UHRF2: variants seen among roughly 807,000 people sequenced by gnomAD.
The protein encoded by UHRF2 is ubiquitin like with PHD and ring finger domains 2, also known as E3 ubiquitin-protein ligase UHRF2.
A neutral mutation model predicts 96.8 loss-of-function variants in UHRF2; 23 were observed. That is an observed-to-expected ratio of 0.24 (90% CI 0.17 to 0.34). UHRF2 has a LOEUF of 0.34. UHRF2 is among the 10% of genes least tolerant of loss of function. UHRF2 has a pLI of 1.00. For synonymous variants in UHRF2, 385 were observed against 332.6 expected, an observed-to-expected ratio of 1.16 and a Z score of -1.72; for missense variants, 685 against 981.5, an observed-to-expected ratio of 0.70 and a Z score of 4.04.
At chr9:6,429,602 A>G (rs1185178535) in intron 2 of UHRF2, among the ~76,000 whole-genome samples, 1 of 152,202 alleles carries the variant, frequency 6.6e-6, no homozygotes, top group Non-Finnish European at 1.5e-5. Flanking sequence ...AAGTGCTGGA[A>G]TTACAGGCAT....
At chr9:6,479,349 G>A (rs1823785415) in intron 6 of UHRF2, among the ~76,000 whole-genome samples, 1 of 152,048 alleles carries the variant, frequency 6.6e-6, no homozygotes, top group South Asian at 2.1e-4. Context: ...TGGTTACTCT[G>A]TTTTATAGAT....
intron 2 of UHRF2, among the ~76,000 whole-genome samples, chr9:6,424,634 G>A (rs4740845): frequency 0.67 from 102,405 of 151,936 alleles, 36,865 homozygotes; most frequent in South Asian, 0.82. Context: ...TTAAGTTAGT[G>A]TGGTGTATTT....
At chr9:6,422,734 A>G (rs1820007227) in intron 2 of UHRF2, 2 of 516,996 alleles carry the variant, frequency 3.9e-6, no homozygotes, top group Middle Eastern at 4.9e-4. Flanking sequence ...TCGGCCTCCC[A>G]AAGTGCTGGG....
chr9:6,474,296 A>G (rs1009079762), intron 4 of UHRF2, among the ~76,000 whole-genome samples: 1 of 152,258 alleles, frequency 6.6e-6, no homozygotes, highest in Non-Finnish European at 1.5e-5. Context: ...TCTTCAAGCA[A>G]GTGCTAACCA....
At chr9:6,422,644 C>T (rs747211232) in intron 2 of UHRF2, 7 of 651,058 alleles carry the variant, frequency 1.1e-5, no homozygotes, top group Non-Finnish European at 1.7e-5. Context: ...GGGTCTGGCT[C>T]TGTCACCCAG....
intron 1 of UHRF2, 128 bp downstream of exon 1, chr9:6,413,771 A>T: frequency 8.4e-7 from 1 of 1,196,202 alleles, no homozygotes; most frequent in Non-Finnish European, 1.1e-6. Context: ...GCGGGTGGGC[A>T]GCCCCCGCGA....
At chr9:6,480,669 A>G (rs1313871541) in intron 6 of UHRF2, among the ~76,000 whole-genome samples, 2 of 152,226 alleles carry the variant, frequency 1.3e-5, no homozygotes, top group Admixed American at 6.5e-5. Flanking sequence ...AGTTAGTTAT[A>G]AAGATGAGCC....
chr9:6,440,618 TA>T (rs1451070339), intron 3 of UHRF2, among the ~76,000 whole-genome samples: 2 of 152,220 alleles, frequency 1.3e-5, no homozygotes, highest in Admixed American at 1.3e-4. Flanking sequence ...ACGCAACTTC[TA>T]TTGAGCTAAA....
intron 9 of UHRF2, among the ~76,000 whole-genome samples, chr9:6,491,534 G>A (rs1334371296): frequency 2.0e-5 from 3 of 152,164 alleles, no homozygotes; most frequent in African/African-American, 7.2e-5. Flanking sequence ...AAGGAGTTTG[G>A]AGAATGTTTG....
At chr9:6,443,404 A>G (rs996618257) in intron 3 of UHRF2, among the ~76,000 whole-genome samples, 2 of 152,212 alleles carry the variant, frequency 1.3e-5, no homozygotes, top group African/African-American at 2.4e-5. Context: ...TAACTTGCTC[A>G]GTGTTAGAGA....
chr9:6,428,282 A>T, intron 2 of UHRF2, among the ~76,000 whole-genome samples: 1 of 152,176 alleles, frequency 6.6e-6, no homozygotes, highest in Non-Finnish European at 1.5e-5. Context: ...TATAAACACC[A>T]TCCAAGTTAT....
chr9:6,477,233 C>T (rs76364033), intron 5 of UHRF2, among the ~76,000 whole-genome samples: 1 of 146,044 alleles, frequency 6.8e-6, no homozygotes, highest in Non-Finnish European at 1.5e-5. Context: ...GACTCCATCT[C>T]AAAAAAAAAG....
chr9:6,450,242 C>A (rs1388260960), intron 3 of UHRF2, among the ~76,000 whole-genome samples: 2 of 151,570 alleles, frequency 1.3e-5, no homozygotes, highest in Non-Finnish European at 2.9e-5. Flanking sequence ...AAATAAGGAT[C>A]AAAAACAAAC....
chr9:6,456,306 A>G (rs187689704), intron 3 of UHRF2, among the ~76,000 whole-genome samples: 2 of 151,922 alleles, frequency 1.3e-5, no homozygotes, highest in Admixed American at 6.6e-5. Context: ...GCTTTTTTTC[A>G]TATGTTTGTT....
At position 6,413,450 on chromosome 9, in the gene UHRF2, A is replaced by T. The variant is rs552883388; in HGVS notation, c.-41A>T. 1.4e-6 allele frequency: 2 copies of T among 1,442,806 alleles called. No individual in the cohort carries two copies. Among genetic ancestry groups the T allele is most frequent in the East Asian group, 5.7e-5 (2 of 35,072 alleles). 89.4% of individuals were successfully genotyped at this position (1,442,806 alleles called of 1,614,324 possible). On this transcript the variant is annotated 5_prime_UTR_variant, in exon 1 of 16. Transcript: ENST00000276893. The stretch of plus-strand genomic sequence containing the variant: ...GGGCGGGGCGCGGCGCCCAGAGCTC[A>T]GGGGGAGACAAAGGGGACCGGTTCC...
At position 6,469,657 on chromosome 9, in the gene UHRF2, G is replaced by GGTGTGT. The variant is rs34918540; in HGVS notation, c.864-5719_864-5714dup. Among the ~76,000 whole-genome samples, 1,126 of 148,068 alleles carry GGTGTGT rather than the reference G, an allele frequency of 7.6e-3. 15 individuals carry two copies. The highest frequency in any genetic ancestry group is 0.027 in the African/African-American group (1,069 of 39,984). On this transcript the variant is annotated intron_variant, in intron 4 of 15. Transcript: ENST00000276893. ...GTTAGACACATAGGACTTGATGAAA[G>GGTGTGT]GTGTGTGTGTGTGTGTGTGTATGTA...
At chr9:6,482,151 T>C (rs1823965903) in intron 8 of UHRF2, 52 bp downstream of exon 8, 1 of 1,397,728 alleles carries the variant, frequency 7.2e-7, no homozygotes, top group Non-Finnish European at 1.0e-6. Flanking sequence ...TATCAGATTA[T>C]AGCAATGTTA....
intron 8 of UHRF2, among the ~76,000 whole-genome samples, chr9:6,486,136 A>G (rs1464475976): frequency 6.6e-6 from 1 of 152,190 alleles, no homozygotes; most frequent in African/African-American, 2.4e-5. Flanking sequence ...CACTTAATAT[A>G]TTTTAAGAAG....
chr9:6,480,999 G>T (rs1394455404), intron 6 of UHRF2, among the ~76,000 whole-genome samples: 1 of 152,148 alleles, frequency 6.6e-6, no homozygotes, highest in Non-Finnish European at 1.5e-5. Flanking sequence ...TATTCCCAGA[G>T]TTTCCTTTGC....
Sources: allele counts gnomAD v4.1 joint callset (sites outside exome capture counted in the v4.1 genomes callset), GRCh38; gene constraint gnomAD v4.1.1; transcripts MANE v1.5; gene names NCBI Gene and HGNC (gene_info 2026-07-23, HGNC 2026-07-21).